Variants in SPAG16 observed in about 807,000 individuals in gnomAD.
SPAG16 encodes the protein sperm associated antigen 16, also known as sperm-associated antigen 16 protein.
A neutral mutation model predicts 80.4 loss-of-function variants in SPAG16; 86 were observed. That is an observed-to-expected ratio of 1.07 (90% CI 0.90 to 1.28). SPAG16 has a LOEUF of 1.28. Ranked by LOEUF, SPAG16 falls within the 50% of genes most tolerant of loss-of-function variation. SPAG16 has a pLI of 0.00. For synonymous variants in SPAG16, 294 were observed against 265.9 expected (o/e 1.11, Z -1.03); for missense variants, 870 against 765.3 (o/e 1.14, Z -1.61).
chr2:213,376,561 T>C (rs533906273), intron 9 of SPAG16, among the ~76,000 whole-genome samples: 1 of 152,146 alleles, frequency 6.6e-6, no homozygotes, highest in South Asian at 2.1e-4. Flanking sequence ...TTAATTTTCT[T>C]GTTGTTATTA....
chr2:214,141,059 A>T (rs762292278), intron 14 of SPAG16, among the ~76,000 whole-genome samples: 7 of 151,186 alleles, frequency 4.6e-5, no homozygotes, highest in Non-Finnish European at 8.8e-5. Context: ...TTTTTAACTT[A>T]TTTCCTGAAT....
chr2:214,112,978 T>C (rs2053753303), intron 14 of SPAG16, among the ~76,000 whole-genome samples: 1 of 152,228 alleles, frequency 6.6e-6, no homozygotes, highest in Non-Finnish European at 1.5e-5. Flanking sequence ...CCTTTCTATG[T>C]TTAGTGCTTC....
At chr2:214,292,539 A>G (rs1247443504) in intron 15 of SPAG16, among the ~76,000 whole-genome samples, 2 of 152,068 alleles carry the variant, frequency 1.3e-5, no homozygotes, top group African/African-American at 4.8e-5. Context: ...AAAATTTCTC[A>G]TTCATATCCT....
chr2:214,192,874 A>G (rs1394163841), intron 15 of SPAG16, among the ~76,000 whole-genome samples: 1 of 152,122 alleles, frequency 6.6e-6, no homozygotes, highest in Non-Finnish European at 1.5e-5. Context: ...AAGTTCCCCT[A>G]GAACAGCTTG....
chr2:213,332,506 G>A (rs897512237), intron 5 of SPAG16, among the ~76,000 whole-genome samples: 20 of 152,040 alleles, frequency 1.3e-4, no homozygotes, highest in African/African-American at 4.6e-4. Context: ...AAAAATACAG[G>A]AAGAGGGAAT....
intron 12 of SPAG16, among the ~76,000 whole-genome samples, chr2:213,970,045 G>A (rs2044939623): frequency 6.6e-6 from 1 of 152,110 alleles, no homozygotes; most frequent in Non-Finnish European, 1.5e-5. Flanking sequence ...CTTCAAATAT[G>A]GTATCTTCTT....
intron 15 of SPAG16, among the ~76,000 whole-genome samples, chr2:214,299,990 A>T (rs916468452): frequency 3.3e-5 from 5 of 152,164 alleles, no homozygotes; most frequent in Non-Finnish European, 5.9e-5. Flanking sequence ...AGTCAACTTT[A>T]ATTTTTTAAA....
At chr2:213,622,377 T>C (rs1363907272) in intron 10 of SPAG16, among the ~76,000 whole-genome samples, 1 of 152,222 alleles carries the variant, frequency 6.6e-6, no homozygotes, top group Non-Finnish European at 1.5e-5. Flanking sequence ...GATTACTTTC[T>C]TGCCGCTCCC....
At chr2:213,796,376 T>C (rs552639463) in intron 10 of SPAG16, among the ~76,000 whole-genome samples, 4 of 152,338 alleles carry the variant, frequency 2.6e-5, no homozygotes, top group South Asian at 4.1e-4. Flanking sequence ...CTTCTGGACA[T>C]TTAATGTAAA....
intron 11 of SPAG16, among the ~76,000 whole-genome samples, chr2:213,871,114 G>A (rs2075926772): frequency 6.6e-6 from 1 of 151,944 alleles, no homozygotes. Context: ...TTTATCAGAA[G>A]AACCTACAAC....
intron 15 of SPAG16, among the ~76,000 whole-genome samples, chr2:214,371,024 A>C (rs969120679): frequency 4.6e-5 from 7 of 152,134 alleles, no homozygotes; most frequent in Admixed American, 2.0e-4. Flanking sequence ...TCCAGATCGC[A>C]TTAGAGTCCT....
At chr2:213,733,225 T>TTC (rs1265441767) in intron 10 of SPAG16, among the ~76,000 whole-genome samples, 1 of 151,608 alleles carries the variant, frequency 6.6e-6, no homozygotes, top group Non-Finnish European at 1.5e-5. Context: ...GGGTTGTTTT[T>TTC]TTTTTCTTGT....
intron 9 of SPAG16, among the ~76,000 whole-genome samples, chr2:213,437,508 C>G (rs2070714020): frequency 6.6e-6 from 1 of 152,156 alleles, no homozygotes; most frequent in African/African-American, 2.4e-5. Flanking sequence ...TCTTTTGCCT[C>G]TAAATTTTGT....
At chr2:214,332,190 T>G (rs1435674950) in intron 15 of SPAG16, among the ~76,000 whole-genome samples, 1 of 152,182 alleles carries the variant, frequency 6.6e-6, no homozygotes, top group Non-Finnish European at 1.5e-5. Context: ...AGGTGGAGGT[T>G]GCAGTGAGCC....
At chr2:213,821,103 G>C (rs2072906795) in intron 10 of SPAG16, among the ~76,000 whole-genome samples, 5 of 151,874 alleles carry the variant, frequency 3.3e-5, no homozygotes, top group South Asian at 2.1e-4. Flanking sequence ...TCCTCAGTCT[G>C]TGAATTCTTG....
At chr2:213,988,348 G>C (rs980063597) in intron 12 of SPAG16, among the ~76,000 whole-genome samples, 1 of 143,394 alleles carries the variant, frequency 7.0e-6, no homozygotes, top group African/African-American at 2.5e-5. Flanking sequence ...CTGTATCTTG[G>C]GCCATAAAAC....
chr2:213,996,293 G>C (rs562182980), intron 12 of SPAG16, among the ~76,000 whole-genome samples: 1 of 152,256 alleles, frequency 6.6e-6, no homozygotes, highest in African/African-American at 2.4e-5. Context: ...ATACCTAATG[G>C]CTAAGTTCTG....
chr2:214,231,897 C>A (rs1191788026), intron 15 of SPAG16, among the ~76,000 whole-genome samples: 2 of 151,954 alleles, frequency 1.3e-5, no homozygotes, highest in Non-Finnish European at 2.9e-5. Flanking sequence ...TAAATGGTTT[C>A]TTTTATTAAA....
intron 10 of SPAG16, among the ~76,000 whole-genome samples, chr2:213,612,675 A>T: frequency 6.6e-6 from 1 of 152,126 alleles, no homozygotes; most frequent in East Asian, 1.9e-4. Context: ...CTTGAAAAAT[A>T]AAAATTAAAA....
Sources: allele counts gnomAD v4.1 joint callset (sites outside exome capture counted in the v4.1 genomes callset), GRCh38; gene constraint gnomAD v4.1.1; transcripts MANE v1.5; gene names NCBI Gene and HGNC (gene_info 2026-07-23, HGNC 2026-07-21).